Variants in ITGA11 observed in about 807,000 individuals in gnomAD.
ITGA11 encodes the protein integrin subunit alpha 11, also known as integrin alpha-11.
A neutral mutation model predicts 141.9 loss-of-function variants in ITGA11; 97 were observed. That is an observed-to-expected ratio of 0.68 (90% CI 0.58 to 0.81). ITGA11 has a LOEUF of 0.81. Ranked by LOEUF, ITGA11 falls within the 30% of genes least tolerant of loss-of-function variation. The probability of loss-of-function intolerance (pLI) is 0.00; values close to 1 mark genes in which losing one functional copy is unlikely to be tolerated. For synonymous variants in ITGA11, 658 were observed against 624.6 expected, an observed-to-expected ratio of 1.05 and a Z score of -0.80; for missense variants, 1,387 against 1,559.2, an observed-to-expected ratio of 0.89 and a Z score of 1.86.
intron 15 of ITGA11, among the ~76,000 whole-genome samples, 163 bp downstream of exon 15, chr15:68,330,818 C>T (rs375067021): frequency 2.0e-4 from 30 of 152,242 alleles, no homozygotes; most frequent in Middle Eastern, 3.4e-3. Context: ...ACACTGATTC[C>T]ACCAAAAGGA....
At chr15:68,389,086 C>T (rs1156382987) in intron 2 of ITGA11, among the ~76,000 whole-genome samples, 1 of 152,192 alleles carries the variant, frequency 6.6e-6, no homozygotes, top group Non-Finnish European at 1.5e-5. Context: ...TCCCCTCCAT[C>T]TGCTGTACTC....
intron 1 of ITGA11, among the ~76,000 whole-genome samples, chr15:68,410,180 G>A (rs1465337550): frequency 3.9e-5 from 6 of 152,200 alleles, no homozygotes; most frequent in South Asian, 2.1e-4. Flanking sequence ...TGGAGCTGAC[G>A]GCCAGAGGAA....
Position 68,424,721 on chromosome 15 carries a change from G to A in ITGA11, c.52+7294C>T, listed in dbSNP as rs1265465408. ...AGAAGTGCTGACCCTGGAGGACTATGCCAATACAAATACTTGGGGCTGCCG... is the reference window on the plus strand; with the variant it reads ...AGAAGTGCTGACCCTGGAGGACTATACCAATACAAATACTTGGGGCTGCCG... On this transcript the variant is annotated intron_variant, in intron 1 of 29. Coordinates refer to ENST00000315757, the MANE Select transcript of ITGA11 (RefSeq NM_001004439.2). 3.3e-5 allele frequency among the ~76,000 whole-genome samples: 5 copies of A among 150,912 alleles called. No homozygotes were observed. In the East Asian group the frequency reaches 7.7e-4, roughly 23 times the overall value.
In ITGA11 at chr15:68,358,530, G is replaced by T; in HGVS notation, c.528C>A (p.Tyr176Ter). ...VIVLDGSNSI[Y>*]PWVEVQHFLI... ...GGAAGTGCTGAACCTCCACCCAGGG[G>T]TAGATGCTGTTGGAGCCATCCAGGA... Residue 176 changes from tyrosine to a stop codon, truncating the protein, a stop_gained, in exon 6 of 30, where the codon TAC becomes TAA. Transcript: ENST00000315757. LOFTEE classifies it high-confidence loss of function. The T allele has an allele frequency of 6.2e-7, 1 of 1,614,154 alleles. No homozygotes were observed. Among genetic ancestry groups the T allele is most frequent in the Non-Finnish European group, 8.5e-7 (1 of 1,179,996 alleles).
In ITGA11 at chr15:68,320,193, T is replaced by A. The variant is rs112547535; in HGVS notation, c.2608A>T (p.Ile870Phe). 5.4e-5 allele frequency: 87 copies of A among 1,613,938 alleles called. 1 individual carries two copies. In the African/African-American group the frequency reaches 8.3e-4, roughly 15 times the overall value. Residue 870 changes from isoleucine (I) to phenylalanine (F), a missense_variant, in exon 20 of 30, where the codon ATC (isoleucine) becomes TTC (phenylalanine). By Grantham distance (21) the Ile-to-Phe change is conservative. Coordinates refer to ENST00000315757, the MANE Select transcript of ITGA11 (RefSeq NM_001004439.2). Reference sequence around the variant, plus strand: ...GGTCGCTGAGGTCTTACCTTCTGGATCAAGCTGGCAAACTGCAGGTTTGCT... The same window carrying A: ...GGTCGCTGAGGTCTTACCTTCTGGAACAAGCTGGCAAACTGCAGGTTTGCT... ...QSANLQFASL[I>F]QKEDSDGSIE...
intron 19 of ITGA11, among the ~76,000 whole-genome samples, 176 bp from the exon 20 acceptor site, chr15:68,320,568 T>G (rs1420332069): frequency 1.3e-5 from 2 of 152,162 alleles, no homozygotes; most frequent in Non-Finnish European, 2.9e-5. Context: ...GAGCTCACCC[T>G]TCAAGACCAC....
intron 8 of ITGA11, 53 bp downstream of exon 8, chr15:68,351,205 A>G: frequency 6.3e-7 from 1 of 1,599,344 alleles, no homozygotes. Context: ...CAGGGATTTG[A>G]TGGTAAAGCC....
Position 68,331,878 on chromosome 15 carries a change from A to T in ITGA11, c.1751T>A (p.Ile584Asn). The change falls in exon 14 of 30, where the codon ATC becomes AAC. Residue 584 changes from isoleucine (I) to asparagine (N), a missense_variant. Transcript: ENST00000315757. ...IYIFHGFRGS[I>N]LKTPKQRITA... ...CCTGACCTGCTTAGGTGTCTTCAGG[A>T]TGCTGCCTCGGAAGCCGTGGAAGAT... The T allele has an allele frequency of 6.2e-7, 1 of 1,612,444 alleles. No homozygotes were observed. The highest frequency in any genetic ancestry group is 2.2e-5 in the East Asian group (1 of 44,826).
intron 2 of ITGA11, among the ~76,000 whole-genome samples, chr15:68,388,756 A>G (rs192340328): frequency 6.6e-6 from 1 of 152,198 alleles, no homozygotes; most frequent in Admixed American, 6.5e-5. Flanking sequence ...CCTCACCTCC[A>G]GGGTCTCCTC....
At chr15:68,338,605 A>G (rs1455297140) in intron 11 of ITGA11, among the ~76,000 whole-genome samples, 1 of 152,158 alleles carries the variant, frequency 6.6e-6, no homozygotes, top group Non-Finnish European at 1.5e-5. Context: ...ATGGTTGGGG[A>G]TAGAAAACAG....
intron 7 of ITGA11, among the ~76,000 whole-genome samples, chr15:68,355,345 C>A (rs1041068823): frequency 6.6e-6 from 1 of 152,186 alleles, no homozygotes; most frequent in Non-Finnish European, 1.5e-5. Flanking sequence ...AACAGAAACA[C>A]GCTAGTTGAG....
chr15:68,424,423 C>G (rs993353630), intron 1 of ITGA11, among the ~76,000 whole-genome samples: 28 of 152,100 alleles, frequency 1.8e-4, no homozygotes, highest in Non-Finnish European at 2.2e-4. Flanking sequence ...TACATTATAC[C>G]AGTGATCCTC....
chr15:68,361,812 A>G (rs1895252147), intron 4 of ITGA11, 108 bp from the exon 5 acceptor site: 1 of 713,434 alleles, frequency 1.4e-6, no homozygotes, highest in South Asian at 1.7e-5. Context: ...ACAGACTTCT[A>G]TCTGAGGGGT....
intron 10 of ITGA11, among the ~76,000 whole-genome samples, chr15:68,345,971 TG>T (rs1389905841): frequency 7.2e-6 from 1 of 139,444 alleles, no homozygotes; most frequent in Non-Finnish European, 1.5e-5. Flanking sequence ...GAAAGGTTTT[TG>T]TTTTTGTTTT....
intron 7 of ITGA11, among the ~76,000 whole-genome samples, chr15:68,355,674 T>C (rs1447722653): frequency 6.6e-6 from 1 of 152,142 alleles, no homozygotes; most frequent in Non-Finnish European, 1.5e-5. Flanking sequence ...CTCAAACTTA[T>C]GGGCTCAAGC....
At chr15:68,331,201 A>G in intron 14 of ITGA11, 90 bp from the exon 15 acceptor site, 1 of 1,256,746 alleles carries the variant, frequency 8.0e-7, no homozygotes, top group Non-Finnish European at 1.1e-6. Flanking sequence ...CAGGAACAAT[A>G]GGGAGCCTGT....
chr15:68,368,739 A>G (rs1324143722), intron 3 of ITGA11, among the ~76,000 whole-genome samples: 1 of 152,122 alleles, frequency 6.6e-6, no homozygotes, highest in Non-Finnish European at 1.5e-5. Context: ...TAAATCCCAT[A>G]TGGGTGTTGT....
chr15:68,331,254 C>T, intron 14 of ITGA11, 143 bp from the exon 15 acceptor site: 2 of 684,344 alleles, frequency 2.9e-6, no homozygotes, highest in Non-Finnish European at 4.9e-6. Context: ...GCAATCTCCT[C>T]TCTTGGCCTA....
intron 11 of ITGA11, among the ~76,000 whole-genome samples, chr15:68,336,535 T>TGCC (rs1894366676): frequency 1.3e-5 from 2 of 152,310 alleles, no homozygotes; most frequent in East Asian, 3.9e-4. Flanking sequence ...CCGGTATGGC[T>TGCC]GTGCCTGATC....
Sources: allele counts gnomAD v4.1 joint callset (sites outside exome capture counted in the v4.1 genomes callset), GRCh38; gene constraint gnomAD v4.1.1; transcripts MANE v1.5; gene names NCBI Gene and HGNC (gene_info 2026-07-23, HGNC 2026-07-21).